KCNQ3: variants seen among roughly 807,000 people sequenced by gnomAD.
KCNQ3 encodes potassium voltage-gated channel subfamily KQT member 3.
In KCNQ3, 30 loss-of-function variants were observed where a neutral mutation model predicts 92.5. That is an observed-to-expected ratio of 0.32 (90% CI 0.24 to 0.44). KCNQ3 has a LOEUF of 0.44. Ranked by LOEUF, KCNQ3 falls within the 20% of genes least tolerant of loss-of-function variation. The pLI is 1.00. For missense variants in KCNQ3, 913 were observed against 1,140.3 expected, an observed-to-expected ratio of 0.80 and a Z score of 2.87; for synonymous variants, 450 against 468.8, an observed-to-expected ratio of 0.96 and a Z score of 0.52.
chr8:132,150,566 A>G, intron 9 of KCNQ3, among the ~76,000 whole-genome samples: 1 of 152,264 alleles, frequency 6.6e-6, no homozygotes, highest in Middle Eastern at 3.4e-3. Context: ...TCCAAGTTAT[A>G]GTTATATTTA....
chr8:132,170,508 T>G (rs764957785), intron 7 of KCNQ3, 80 bp from the exon 8 acceptor site: 1 of 881,590 alleles, frequency 1.1e-6, no homozygotes, highest in African/African-American at 1.6e-5. Context: ...AACAAAACAA[T>G]GTTTAAGCCC....
chr8:132,140,219 T>C (rs1586762870), intron 10 of KCNQ3, 41 bp from the exon 11 acceptor site: 1 of 1,491,876 alleles, frequency 6.7e-7, no homozygotes, highest in Non-Finnish European at 9.3e-7. Context: ...GCCACAGACC[T>C]GGAAAAGGCT....
At chr8:132,166,123 C>T (rs761172287) in intron 8 of KCNQ3, among the ~76,000 whole-genome samples, 1 of 152,202 alleles carries the variant, frequency 6.6e-6, no homozygotes, top group Non-Finnish European at 1.5e-5. Flanking sequence ...TCATAGCTAA[C>T]AATTCCAGAG....
At chr8:132,266,092 G>A (rs958074473) in intron 1 of KCNQ3, among the ~76,000 whole-genome samples, 2 of 152,206 alleles carry the variant, frequency 1.3e-5, no homozygotes, top group African/African-American at 4.8e-5. Flanking sequence ...TTCCCAAAGT[G>A]TAGTTAGGAA....
At chr8:132,411,734 G>A (rs1194944637) in intron 1 of KCNQ3, among the ~76,000 whole-genome samples, 1 of 152,188 alleles carries the variant, frequency 6.6e-6, no homozygotes, top group Non-Finnish European at 1.5e-5. Context: ...GTCTGGGACT[G>A]TTGCTGCCTA....
At chr8:132,294,927 A>G (rs1816970990) in intron 1 of KCNQ3, among the ~76,000 whole-genome samples, 1 of 152,234 alleles carries the variant, frequency 6.6e-6, no homozygotes. Flanking sequence ...TGTAAAACCC[A>G]AAACTACAAA....
At chr8:132,332,089 T>C (rs979134432) in intron 1 of KCNQ3, among the ~76,000 whole-genome samples, 2 of 152,192 alleles carry the variant, frequency 1.3e-5, no homozygotes, top group African/African-American at 4.8e-5. Context: ...CTGATTAGGA[T>C]ATAAAAAGAC....
At chr8:132,346,068 A>G (rs942664448) in intron 1 of KCNQ3, among the ~76,000 whole-genome samples, 3 of 152,140 alleles carry the variant, frequency 2.0e-5, no homozygotes, top group African/African-American at 4.8e-5. Flanking sequence ...TGGAATGGTC[A>G]TAATGGTGGT....
intron 1 of KCNQ3, among the ~76,000 whole-genome samples, chr8:132,370,478 G>A (rs1268182364): frequency 6.6e-6 from 1 of 152,196 alleles, no homozygotes; most frequent in Non-Finnish European, 1.5e-5. Context: ...GGACAGGGCA[G>A]CATCTGTGAG....
rs116890426 is a variant in KCNQ3, at chr8:132,363,672, T to C, written c.386+116475A>G. On this transcript the variant is annotated intron_variant, in intron 1 of 14. Transcript: ENST00000388996. ...CTGTCACCATCCACCCTGGATGCCA[T>C]CTTTTAGCCCACAGACTTAGCCTAG... Among the ~76,000 whole-genome samples, 1,432 of 152,000 alleles carry C rather than the reference T, an allele frequency of 9.4e-3. 14 individuals carry two copies. Among genetic ancestry groups the C allele is most frequent in the Non-Finnish European group, 0.016 (1,097 of 67,988 alleles).
chr8:132,187,807 A>ATGG (rs1166642331), intron 1 of KCNQ3, among the ~76,000 whole-genome samples: 23 of 120,592 alleles, frequency 1.9e-4, no homozygotes, highest in African/African-American at 3.1e-4. Flanking sequence ...GGTGATAGTG[A>ATGG]TGGTGGTGGT....
chr8:132,451,124 T>A (rs1173333229), intron 1 of KCNQ3, among the ~76,000 whole-genome samples: 2 of 152,118 alleles, frequency 1.3e-5, no homozygotes, highest in Non-Finnish European at 2.9e-5. Flanking sequence ...TGGGGGTGGG[T>A]TTATCTTGTG....
chr8:132,438,417 G>A (rs2130833801), intron 1 of KCNQ3, among the ~76,000 whole-genome samples: 1 of 152,192 alleles, frequency 6.6e-6, no homozygotes, highest in Non-Finnish European at 1.5e-5. Flanking sequence ...TCTATCTGAG[G>A]AACTTAGGGA....
At chr8:132,205,518 G>A (rs1813628791) in intron 1 of KCNQ3, among the ~76,000 whole-genome samples, 1 of 152,148 alleles carries the variant, frequency 6.6e-6, no homozygotes, top group Non-Finnish European at 1.5e-5. Context: ...CTGTGTACAA[G>A]GCACTAAACT....
chr8:132,151,467 C>T (rs1402373973), intron 9 of KCNQ3, among the ~76,000 whole-genome samples: 1 of 152,138 alleles, frequency 6.6e-6, no homozygotes, highest in Non-Finnish European at 1.5e-5. Context: ...AAAAATTAAT[C>T]TTACAAAATT....
At position 132,128,425 on chromosome 8, in the gene KCNQ3, C is replaced by G. The variant is rs374004772; in HGVS notation, c.*837G>C. ...TTCATTTTAAAGGCACTGAACTCAG[C>G]TCCTGCCCAGAGGGGCACTTCACTT... On this transcript the variant is annotated 3_prime_UTR_variant, in exon 15 of 15. Coordinates refer to ENST00000388996, the MANE Select transcript of KCNQ3 (RefSeq NM_004519.4). 6.6e-6 allele frequency: 1 copy of G among 152,224 alleles called. No individual in the cohort carries two copies. Among genetic ancestry groups the G allele is most frequent in the East Asian group, 1.9e-4 (1 of 5,182 alleles). The allele number at this position is 152,224 out of a possible 1,614,324, so 9.4% of individuals were successfully genotyped here.
rs376415571 is a variant in KCNQ3, at chr8:132,260,033, A to G, written c.387-73852T>C. Among the ~76,000 whole-genome samples, 5 of 152,194 alleles carry G rather than the reference A, an allele frequency of 3.3e-5. No homozygotes were observed. In the East Asian group the frequency reaches 5.8e-4, roughly 18 times the overall value. On this transcript the variant is annotated intron_variant, in intron 1 of 14. Coordinates refer to ENST00000388996, the MANE Select transcript of KCNQ3 (RefSeq NM_004519.4). The stretch of plus-strand genomic sequence containing the variant: ...ATAAATATTAAGACATCCTGTGTTC[A>G]TAGACTAGAAGATTTAGCATTGTTA...
intron 1 of KCNQ3, among the ~76,000 whole-genome samples, chr8:132,339,958 T>TAAA (rs879480573): frequency 7.8e-6 from 1 of 128,940 alleles, no homozygotes. Flanking sequence ...GCAACAAACA[T>TAAA]AAAAAAAAAA....
intron 1 of KCNQ3, among the ~76,000 whole-genome samples, chr8:132,473,663 C>T (rs1196600097): frequency 1.3e-5 from 2 of 152,200 alleles, no homozygotes; most frequent in African/African-American, 2.4e-5. Flanking sequence ...AACTTACTTA[C>T]AACACTTCTC....
Sources: gnomAD v4.1 joint callset for allele counts (sites outside exome capture counted in the v4.1 genomes callset) on GRCh38, gnomAD v4.1.1 for gene constraint, MANE v1.5 for transcripts, NCBI Gene and HGNC (gene_info 2026-07-23, HGNC 2026-07-21) for gene names.